Variants in ABCB4 observed in about 807,000 individuals in gnomAD.
The protein encoded by ABCB4 is ATP binding cassette subfamily B member 4, also known as phosphatidylcholine translocator ABCB4.
A neutral mutation model predicts 145.7 loss-of-function variants in ABCB4; 76 were observed. That is an observed-to-expected ratio of 0.52 (90% CI 0.43 to 0.63). ABCB4 has a LOEUF of 0.63. ABCB4 is among the 30% of genes least tolerant of loss of function. The pLI is 0.00. For synonymous variants in ABCB4, 517 were observed against 566.8 expected, an observed-to-expected ratio of 0.91 and a Z score of 1.25; for missense variants, 1,234 against 1,553.1, an observed-to-expected ratio of 0.79 and a Z score of 3.45.
intron 3 of ABCB4, among the ~76,000 whole-genome samples, chr7:87,468,436 GC>G (rs1286141030): frequency 2.0e-5 from 3 of 152,104 alleles, no homozygotes; most frequent in Non-Finnish European, 4.4e-5. Context: ...CAGAATCACA[GC>G]CGAATTCTAC....
downstream of ABCB4, chr7:87,398,722 G>C: frequency 1.5e-6 from 2 of 1,376,042 alleles, no homozygotes; most frequent in South Asian, 2.6e-5. Context: ...ATATGAGATG[G>C]GAAGGAATGT....
chr7:87,375,811 A>C, the ABCB4 span: 1 of 1,613,150 alleles, frequency 6.2e-7, no homozygotes, highest in Non-Finnish European at 8.5e-7. Context: ...TTTGATCATC[A>C]TCTCCTTGCC....
intron 14 of ABCB4, among the ~76,000 whole-genome samples, chr7:87,438,948 A>C (rs1810794617): frequency 1.3e-5 from 2 of 152,166 alleles, no homozygotes; most frequent in Non-Finnish European, 2.9e-5. Flanking sequence ...TGCACATATT[A>C]TTACTGAACT....
intron 21 of ABCB4, among the ~76,000 whole-genome samples, chr7:87,416,881 A>G (rs1332441384): frequency 6.6e-6 from 1 of 152,260 alleles, no homozygotes; most frequent in Non-Finnish European, 1.5e-5. Flanking sequence ...CATTACTGCC[A>G]TCTGGTGGCT....
At chr7:87,428,492 T>C (rs1314737973) in intron 15 of ABCB4, among the ~76,000 whole-genome samples, 1 of 152,114 alleles carries the variant, frequency 6.6e-6, no homozygotes, top group Non-Finnish European at 1.5e-5. Context: ...CCTGAAGACA[T>C]GGAGGAAAAA....
At chr7:87,410,331 T>TA (rs1044866255) in intron 23 of ABCB4, among the ~76,000 whole-genome samples, 1 of 152,080 alleles carries the variant, frequency 6.6e-6, no homozygotes, top group African/African-American at 2.4e-5. Context: ...GCTAAGATAT[T>TA]AAAAATGGGT....
the ABCB4 span, chr7:87,375,698 T>C: frequency 6.2e-7 from 1 of 1,613,582 alleles, no homozygotes; most frequent in Non-Finnish European, 8.5e-7. Flanking sequence ...CAGCATTAAC[T>C]AGTGAGGAGC....
intron 3 of ABCB4, among the ~76,000 whole-genome samples, chr7:87,471,150 G>A (rs543896925): frequency 6.6e-6 from 1 of 151,826 alleles, no homozygotes; most frequent in Admixed American, 6.6e-5. Flanking sequence ...TCACTCACAG[G>A]TGGGAACTGA....
the ABCB4 span, among the ~76,000 whole-genome samples, chr7:87,374,121 T>C: frequency 6.6e-6 from 1 of 152,082 alleles, no homozygotes; most frequent in Non-Finnish European, 1.5e-5. Flanking sequence ...AAAAAATATA[T>C]GATTCTGTAA....
chr7:87,458,052 G>T (rs150919917), intron 4 of ABCB4, among the ~76,000 whole-genome samples: 3 of 152,236 alleles, frequency 2.0e-5, no homozygotes, highest in Non-Finnish European at 4.4e-5. Flanking sequence ...AAGAGCTGGT[G>T]TTTGTTCAGG....
At chr7:87,431,693 T>C in intron 14 of ABCB4, 128 bp from the exon 15 acceptor site, 1 of 1,257,962 alleles carries the variant, frequency 7.9e-7, no homozygotes, top group South Asian at 1.2e-5. Flanking sequence ...TCCAGATCTC[T>C]GCGTGATTAT....
At chr7:87,385,961 T>A in the ABCB4 span, among the ~76,000 whole-genome samples, 1 of 152,242 alleles carries the variant, frequency 6.6e-6, no homozygotes, top group East Asian at 1.9e-4. Flanking sequence ...TCCTTTATTC[T>A]GTTGATGTGA....
At chr7:87,453,343 C>T (rs1584766887) in intron 5 of ABCB4, among the ~76,000 whole-genome samples, 1 of 152,088 alleles carries the variant, frequency 6.6e-6, no homozygotes, top group East Asian at 1.9e-4. Flanking sequence ...ACCACCATAC[C>T]TGGCTAATTT....
chr7:87,470,054 A>C (rs1813249799), intron 3 of ABCB4, among the ~76,000 whole-genome samples: 1 of 152,246 alleles, frequency 6.6e-6, no homozygotes, highest in African/African-American at 2.4e-5. Context: ...GAGCCCTCAG[A>C]AATAATACCA....
intron 4 of ABCB4, among the ~76,000 whole-genome samples, chr7:87,458,987 T>TAAAAAAAAAAA (rs77823347): frequency 1.7e-5 from 2 of 120,688 alleles, no homozygotes; most frequent in Non-Finnish European, 3.6e-5. Flanking sequence ...AGGCACAAGT[T>TAAAAAAAAAAA]AAAAAAAAAA....
Position 87,406,274 on chromosome 7 carries a change from A to C in ABCB4, c.3486+14T>G, listed in dbSNP as rs1464614048. ...AAAGTAGTCTCTTCTGATTTCAGCT[A>C]CTCTTTAACTTACGTGGGGTAACGT... is the stretch of plus-strand genomic sequence containing the variant. On this transcript the variant is annotated intron_variant, in intron 26 of 27. Coordinates refer to ENST00000649586, the MANE Select transcript of ABCB4 (RefSeq NM_000443.4). The C allele has an allele frequency of 1.2e-6, 2 of 1,612,888 alleles. No individual in the cohort carries two copies. Among genetic ancestry groups the C allele is most frequent in the Non-Finnish European group, 1.7e-6 (2 of 1,179,154 alleles).
the ABCB4 span, among the ~76,000 whole-genome samples, chr7:87,367,164 C>T: frequency 8.5e-5 from 13 of 152,246 alleles, no homozygotes; most frequent in East Asian, 7.7e-4. Flanking sequence ...GAAATGGGGA[C>T]GTTATCCTAG....
At chr7:87,380,569 T>C in the ABCB4 span, among the ~76,000 whole-genome samples, 1 of 152,196 alleles carries the variant, frequency 6.6e-6, no homozygotes, top group Non-Finnish European at 1.5e-5. Flanking sequence ...TTAAACACTA[T>C]GTAAATACAT....
At position 87,423,919 on chromosome 7, in the gene ABCB4, G is replaced by A. The variant is rs759894200; in HGVS notation, c.2198C>T (p.Ser733Leu). 2 of 1,613,962 alleles carry A rather than the reference G, an allele frequency of 1.2e-6. No individual in the cohort carries two copies. Among genetic ancestry groups the A allele is most frequent in the Admixed American group, 1.7e-5 (1 of 60,000 alleles). Residue 733 changes from serine (S) to leucine (L), a missense_variant, in exon 17 of 28, where the codon TCA becomes TTA. Around this residue, in one of 7 missense-constraint regions of ABCB4, gnomAD observed 321 missense variants for 332.6 expected, o/e 0.97. Transcript: ENST00000649586. ...TTGCAAACTTACCGCTATGATCTCTGAGAATATGACTGAAAATGCCGGCTG... is the reference window on the plus strand; with the variant it reads ...TTGCAAACTTACCGCTATGATCTCTAAGAATATGACTGAAAATGCCGGCTG... Reference protein sequence around the residue: ...GLQPAFSVIFSEIIAIFGPGD... With the variant: ...GLQPAFSVIFLEIIAIFGPGD...
Sources: allele counts gnomAD v4.1 joint callset (sites outside exome capture counted in the v4.1 genomes callset), GRCh38; gene constraint gnomAD v4.1.1; regional missense constraint gnomAD v4.1.1; transcripts MANE v1.5; gene names NCBI Gene and HGNC (gene_info 2026-07-23, HGNC 2026-07-21).